Variants in PLXNB1 observed in about 807,000 individuals in gnomAD.
The protein encoded by PLXNB1 is plexin B1.
PLXNB1 carries 106 observed loss-of-function variants against 209.4 expected under a neutral mutation model. That is an observed-to-expected ratio of 0.51 (90% CI 0.43 to 0.59). The LOEUF (loss-of-function observed/expected upper bound fraction) is 0.59, where lower values mean the gene tolerates loss of function less well. Ranked by LOEUF, PLXNB1 falls within the 20% of genes least tolerant of loss-of-function variation. The pLI is 0.00. For synonymous variants in PLXNB1, 1,167 were observed against 1,183.2 expected (o/e 0.99, Z 0.28); for missense variants, 2,357 against 2,853.2 (o/e 0.83, Z 3.96).
chr3:48,414,425 C>T (rs2106826637), intron 21 of PLXNB1, among the ~76,000 whole-genome samples: 1 of 152,290 alleles, frequency 6.6e-6, no homozygotes, highest in Non-Finnish European at 1.5e-5. Context: ...CATCTGCTGC[C>T]CACTGTGTAT....
chr3:48,412,455 G>C lies in PLXNB1; in HGVS notation c.5020C>G (p.Leu1674Val), dbSNP rs2037753726. 6.2e-7 allele frequency: 1 copy of C among 1,613,644 alleles called. No individual in the cohort carries two copies. Among genetic ancestry groups the C allele is most frequent in the Non-Finnish European group, 8.5e-7 (1 of 1,180,044 alleles). The change falls in exon 26 of 38, where the codon CTG becomes GTG. Residue 1674 changes from leucine (L) to valine (V), a missense_variant. Transcript: ENST00000296440. ...VAQYVAKNPK[L>V]MLRRTETVVE... is the part of the protein sequence containing the mutation. Reference sequence around the variant, plus strand: ...AGCCACACAGACCTGCGCAGCATCAGCTTGGGGTTCTTGGCCACATACTGG... The same window carrying C: ...AGCCACACAGACCTGCGCAGCATCACCTTGGGGTTCTTGGCCACATACTGG...
rs1488968448 is a variant in PLXNB1, at chr3:48,411,522, C to T, written c.5247+341G>A. On this transcript the variant is annotated intron_variant, in intron 28 of 37. Transcript: ENST00000296440. The surrounding 1 kb of genome is among the most constrained non-coding windows in gnomAD (Gnocchi z 4.0). The stretch of plus-strand genomic sequence containing the variant: ...GTGAGGCTGGCTTGGTGGGCAAGGC[C>T]GCATTCCTGGTAGGAGGGCCAGGCA... Among the ~76,000 whole-genome samples, 2 of 152,164 alleles carry T rather than the reference C, an allele frequency of 1.3e-5. No homozygotes were observed. The highest frequency in any genetic ancestry group is 6.5e-5 in the Admixed American group (1 of 15,288).
At position 48,420,601 on chromosome 3, in the gene PLXNB1, AG is replaced by A. The variant is rs2038443801; in HGVS notation, c.2028+63del. ...ATAGGCAGACAGACCCCGGGCCATG[AG>A]AAAAACTCTCACACTGGGACCCCCA... On this transcript the variant is annotated intron_variant, in intron 10 of 37. Transcript: ENST00000296440. The A allele has an allele frequency of 2.3e-6, 3 of 1,321,144 alleles. No individual in the cohort carries two copies. The Admixed American group carries it at 5.1e-5, about 22-fold the overall frequency. 81.8% of individuals were successfully genotyped at this position (1,321,144 alleles called of 1,614,324 possible). A position where few individuals can be genotyped will look rare whatever the true frequency, so the allele number is the denominator to read the frequency against.
rs2106869441 is a variant in PLXNB1 at position 48,417,278 on chromosome 3, G to T, written c.3374+633C>A. ...TGAATCCAGATGTTTGTGTTGGTTT[G>T]GGACAGGATCTGCAGGTTACCCTGA... On this transcript the variant is annotated intron_variant, in intron 16 of 37. Transcript: ENST00000296440. This position sits in a 1 kb window ranked among gnomAD's most constrained non-coding sequence, Gnocchi z 4.4. 1.3e-5 allele frequency among the ~76,000 whole-genome samples: 2 copies of T among 152,352 alleles called. No individual in the cohort carries two copies. Among genetic ancestry groups the T allele is most frequent in the Middle Eastern group, 6.8e-3 (2 of 294 alleles).
At chr3:48,404,785 G>A (rs1184326487) in intron 37 of PLXNB1, among the ~76,000 whole-genome samples, 195 bp from the exon 38 acceptor site, 2 of 152,134 alleles carry the variant, frequency 1.3e-5, no homozygotes, top group Admixed American at 1.3e-4. Context: ...TCACCGCGGG[G>A]TTCCAGGATG....
chr3:48,415,144 G>A lies in PLXNB1; in HGVS notation c.3966+32C>T, dbSNP rs962780989. On this transcript the variant is annotated intron_variant, in intron 20 of 37. Transcript: ENST00000296440. The surrounding 1 kb of genome is among the most constrained non-coding windows in gnomAD (Gnocchi z 5.0). Reference sequence around the variant, plus strand: ...CCCCAGGGTGTGGTATGGGGCAAGGGGAGAGTGTGGGGGTACCCAAGGGTG... The same window carrying A: ...CCCCAGGGTGTGGTATGGGGCAAGGAGAGAGTGTGGGGGTACCCAAGGGTG... 9 of 1,607,750 alleles carry A rather than the reference G, an allele frequency of 5.6e-6. No homozygotes were observed. The African/African-American group carries it at 1.1e-4, about 19-fold the overall frequency.
In PLXNB1 at chr3:48,417,851, C is replaced by A; in HGVS notation, c.3374+60G>T. The stretch of plus-strand genomic sequence containing the variant: ...GCGGTGGGTGGGAGGCCCCAAGCAG[C>A]AACGCCAACCGCGGAGGCCCCAGGC... On this transcript the variant is annotated intron_variant, in intron 16 of 37. Coordinates refer to ENST00000296440, the MANE Select transcript of PLXNB1 (RefSeq NM_001130082.3). This position sits in a 1 kb window ranked among gnomAD's most constrained non-coding sequence, Gnocchi z 4.4. 6.5e-7 allele frequency: 1 copy of A among 1,538,792 alleles called. No individual in the cohort carries two copies. Among genetic ancestry groups the A allele is most frequent in the South Asian group, 1.2e-5 (1 of 83,432 alleles).
At position 48,409,821 on chromosome 3, in the gene PLXNB1, C is replaced by T. The variant is rs1575380579; in HGVS notation, c.5778+84G>A. The T allele has an allele frequency of 5.1e-6, 8 of 1,575,138 alleles. No individual in the cohort carries two copies. Among genetic ancestry groups the T allele is most frequent in the Non-Finnish European group, 5.2e-6 (6 of 1,154,686 alleles). On this transcript the variant is annotated intron_variant, in intron 32 of 37. Transcript: ENST00000296440. The surrounding 1 kb of genome is among the most constrained non-coding windows in gnomAD (Gnocchi z 5.8). ...GACACCCCCCGGCACTGTGCCTGCA[C>T]GAGCCCCACACCACCCCCAAATCCC...
chr3:48,419,551 G>C lies in PLXNB1; in HGVS notation c.2709+26C>G. ...ATCTTCCCCACATCCCCTCCCCTGA[G>C]GCCTCCTTCCTGGGCTGGGCCTCAC... On this transcript the variant is annotated intron_variant, in intron 11 of 37. Coordinates refer to ENST00000296440, the MANE Select transcript of PLXNB1 (RefSeq NM_001130082.3). The surrounding 1 kb of genome is among the most constrained non-coding windows in gnomAD (Gnocchi z 5.7). 1.3e-6 allele frequency: 2 copies of C among 1,585,294 alleles called. No individual in the cohort carries two copies. The highest frequency in any genetic ancestry group is 1.7e-6 in the Non-Finnish European group (2 of 1,159,830).
Position 48,415,648 on chromosome 3 carries a change from G to A in PLXNB1, c.3729C>T (p.Arg1243=), listed in dbSNP as rs369653372. The A allele has an allele frequency of 4.1e-5, 64 of 1,577,648 alleles. No homozygotes were observed. Among genetic ancestry groups the A allele is most frequent in the African/African-American group, 6.7e-5 (5 of 74,524 alleles). The change falls in exon 19 of 38, where the codon CGC becomes CGT. Residue 1243 remains arginine, a synonymous_variant. Coordinates refer to ENST00000296440, the MANE Select transcript of PLXNB1 (RefSeq NM_001130082.3). The surrounding 1 kb of genome is among the most constrained non-coding windows in gnomAD (Gnocchi z 5.0). ...GGTCCAAGGTATACTTGAACTGTCCGCGTTGAAGCCTCCGCTCCGTGGCCC... is the reference window on the plus strand; with the variant it reads ...GGTCCAAGGTATACTTGAACTGTCCACGTTGAAGCCTCCGCTCCGTGGCCC... ...WFGATERRLQ[R]GQFKYTLDPN... is the part of the protein sequence containing the mutation.
In PLXNB1 at chr3:48,415,642, C is replaced by G. The variant is rs759284081; in HGVS notation, c.3735G>C (p.Gln1245His). Residue 1245 changes from glutamine to histidine, a missense_variant, in exon 19 of 38, where the codon CAG becomes CAC. By Grantham distance (24) the Gln-to-His change is conservative (BLOSUM62 0). This residue lies in a region of PLXNB1 where 743 missense variants were observed against 896.2 expected (regional missense o/e 0.83). Coordinates refer to ENST00000296440, the MANE Select transcript of PLXNB1 (RefSeq NM_001130082.3). This position sits in a 1 kb window ranked among gnomAD's most constrained non-coding sequence, Gnocchi z 5.0. ...GATERRLQRG[Q>H]FKYTLDPNIT... ...TGTTGGGGTCCAAGGTATACTTGAA[C>G]TGTCCGCGTTGAAGCCTCCGCTCCG... 2 of 1,580,470 alleles carry G rather than the reference C, an allele frequency of 1.3e-6. No homozygotes were observed. Among genetic ancestry groups the G allele is most frequent in the East Asian group, 4.6e-5 (2 of 43,810 alleles).
chr3:48,421,827 C>T (rs183648716), intron 6 of PLXNB1, 21 bp from the exon 7 acceptor site: 467 of 1,589,352 alleles, frequency 2.9e-4, no homozygotes, highest in Middle Eastern at 1.0e-3. Flanking sequence ...TGACCAGTGT[C>T]TATCTGTGAC....
In PLXNB1 at chr3:48,415,615, G is replaced by A. The variant is rs1305360268; in HGVS notation, c.3762C>T (p.Ile1254=). The A allele has an allele frequency of 6.3e-7, 1 of 1,584,418 alleles. No homozygotes were observed. The highest frequency in any genetic ancestry group is 8.6e-7 in the Non-Finnish European group (1 of 1,165,044). The change falls in exon 19 of 38, where the codon ATC becomes ATT. Residue 1254 remains isoleucine (I), a synonymous_variant. Transcript: ENST00000296440. This position sits in a 1 kb window ranked among gnomAD's most constrained non-coding sequence, Gnocchi z 5.0. ...AGCTCTTGGTGGGGCCAGCAGAGGT[G>A]ATGTTGGGGTCCAAGGTATACTTGA... ...GQFKYTLDPN[I]TSAGPTKSFL...
Position 48,410,007 on chromosome 3 carries a change from C to G in PLXNB1, c.5676G>C (p.Glu1892Asp). The stretch of plus-strand genomic sequence containing the variant: ...CCCTCCGAGGCCTGGGCGGCTCCGG[C>G]TCATCACTTGGCTTCACCAGGTGCC... ...RPWHLVKPSDEPEPPRPRRGS... is the reference protein window; with the variant it reads ...RPWHLVKPSDDPEPPRPRRGS... The change falls in exon 32 of 38, where the codon GAG (glutamate) becomes GAC (aspartate). Residue 1892 changes from glutamate to aspartate, a missense_variant. This residue lies in a region of PLXNB1 where 414 missense variants were observed against 520.5 expected (regional missense o/e 0.80). Coordinates refer to ENST00000296440, the MANE Select transcript of PLXNB1 (RefSeq NM_001130082.3). This position sits in a 1 kb window ranked among gnomAD's most constrained non-coding sequence, Gnocchi z 6.4. 1 of 1,612,818 alleles carries G rather than the reference C, an allele frequency of 6.2e-7. No homozygotes were observed.
In PLXNB1 at chr3:48,411,025, T is replaced by A. The variant is rs1350083201; in HGVS notation, c.5259A>T (p.Ala1753=). 16 of 1,613,364 alleles carry A rather than the reference T, an allele frequency of 9.9e-6. No individual in the cohort carries two copies. The highest frequency in any genetic ancestry group is 1.4e-5 in the Non-Finnish European group (16 of 1,179,802). Residue 1753 remains alanine, a synonymous_variant, in exon 29 of 38, where the codon GCA becomes GCT. Coordinates refer to ENST00000296440, the MANE Select transcript of PLXNB1 (RefSeq NM_001130082.3). This position sits in a 1 kb window ranked among gnomAD's most constrained non-coding sequence, Gnocchi z 4.0. The part of the protein sequence containing the change: ...DVEYRPLTLN[A]LLAVGPGAGE... ...CTGCCCCAGGCCCCACAGCCAATAG[T>A]GCATTCAAGGTCTGTGCAGGACACA...
At position 48,404,597 on chromosome 3, in the gene PLXNB1, C is replaced by T. The variant is rs1400174038; in HGVS notation, c.6304-7G>A. ...CCTCCAGGGCAGTGATGATCTGAAA[C>T]AGAGACCAATGCCATCAGGGGAGAC... On this transcript the variant is annotated splice_region_variant and splice_polypyrimidine_tract_variant and intron_variant, in intron 37 of 37. Coordinates refer to ENST00000296440, the MANE Select transcript of PLXNB1 (RefSeq NM_001130082.3). 2 of 1,596,898 alleles carry T rather than the reference C, an allele frequency of 1.3e-6. No homozygotes were observed. The highest frequency in any genetic ancestry group is 4.5e-5 in the East Asian group (2 of 44,742).
Position 48,423,420 on chromosome 3 carries a change from C to T in PLXNB1, c.1107+85G>A, listed in dbSNP as rs1250875718. 11 of 1,447,332 alleles carry T rather than the reference C, an allele frequency of 7.6e-6. 1 individual carries two copies. Among genetic ancestry groups the T allele is most frequent in the East Asian group, 6.9e-5 (3 of 43,778 alleles). The allele number at this position is 1,447,332 out of a possible 1,614,324, so 89.7% of individuals were successfully genotyped here. A position where few individuals can be genotyped will look rare whatever the true frequency, so the allele number is the denominator to read the frequency against. ...TCCTCGTGCTACCACCAGCTGCCCTCGGACTCTCTGGGCAGCTCCTTGGCT... is the reference window on the plus strand; with the variant it reads ...TCCTCGTGCTACCACCAGCTGCCCTTGGACTCTCTGGGCAGCTCCTTGGCT... On this transcript the variant is annotated intron_variant, in intron 3 of 37. Transcript: ENST00000296440.
rs957878971 is a variant in PLXNB1, at chr3:48,409,403, T to C, written c.6013A>G (p.Met2005Val). 6 of 1,614,152 alleles carry C rather than the reference T, an allele frequency of 3.7e-6. No homozygotes were observed. The highest frequency in any genetic ancestry group is 2.2e-5 in the East Asian group (1 of 44,884). ...GCAATGACAAGGAGCACCGCATCCA[T>C]GTTATCAGATGTTTGCACGTCGAAC... Reference protein sequence around the residue: ...FVFDVQTSDNMDAVLLVIAQT... With the variant: ...FVFDVQTSDNVDAVLLVIAQT... Residue 2005 changes from methionine (M) to valine (V), a missense_variant, in exon 34 of 38, where the codon ATG becomes GTG. By Grantham distance (21) the Met-to-Val change is conservative. Coordinates refer to ENST00000296440, the MANE Select transcript of PLXNB1 (RefSeq NM_001130082.3). This position sits in a 1 kb window ranked among gnomAD's most constrained non-coding sequence, Gnocchi z 5.8.
Position 48,419,942 on chromosome 3 carries a change from C to T in PLXNB1, c.2344G>A (p.Ala782Thr). The T allele has an allele frequency of 6.4e-7, 1 of 1,574,064 alleles. No homozygotes were observed. The highest frequency in any genetic ancestry group is 8.6e-7 in the Non-Finnish European group (1 of 1,157,618). ...VPAPTDFRPSATPEDLLASPL... is the reference protein window; with the variant it reads ...VPAPTDFRPSTTPEDLLASPL... ...GAGGCCAAGAGGTCCTCAGGTGTGG[C>T]TGAGGGTCTGAAGTCAGTGGGGGCA... The change falls in exon 11 of 38, where the codon GCC (alanine) becomes ACC (threonine). Residue 782 changes from alanine (A) to threonine (T), a missense_variant. This residue lies in a region of PLXNB1 where 410 missense variants were observed against 401.0 expected (regional missense o/e 1.02). Coordinates refer to ENST00000296440, the MANE Select transcript of PLXNB1 (RefSeq NM_001130082.3). This position sits in a 1 kb window ranked among gnomAD's most constrained non-coding sequence, Gnocchi z 5.7.
Sources: gnomAD v4.1 joint callset for allele counts (sites outside exome capture counted in the v4.1 genomes callset) on GRCh38, gnomAD v4.1.1 for gene constraint, gnomAD v4.1.1 regional missense constraint, Gnocchi (gnomAD v3.1) non-coding constraint, MANE v1.5 for transcripts, NCBI Gene and HGNC (gene_info 2026-07-23, HGNC 2026-07-21) for gene names.